The following CDNF variants were observed in gnomAD, a reference collection of about 807,000 sequenced individuals.
The protein encoded by CDNF is ARMET-like protein 1.
Under a neutral mutation model 14.8 loss-of-function variants are expected in CDNF, and 9 were observed. The observed-to-expected ratio is 0.61, with a 90% CI of 0.37 to 1.06. CDNF has a LOEUF of 1.06. Ranked by LOEUF, CDNF falls within the 50% of genes least tolerant of loss-of-function variation. The pLI is 0.01. For missense variants in CDNF, 228 were observed against 228.4 expected (o/e 1.00, Z 0.01); for synonymous variants, 86 against 87.2 (o/e 0.99, Z 0.07).
chr10:14,829,750 C>T (rs546847764), intron 1 of CDNF, among the ~76,000 whole-genome samples: 10 of 152,222 alleles, frequency 6.6e-5, no homozygotes, highest in African/African-American at 1.7e-4. Context: ...CTGCCTCAGC[C>T]CCCCAAGTAG....
chr10:14,821,566 G>T (rs1427026034), intron 3 of CDNF, among the ~76,000 whole-genome samples: 2 of 152,198 alleles, frequency 1.3e-5, no homozygotes, highest in Non-Finnish European at 2.9e-5. Context: ...TAAGCATCAG[G>T]ATTTTAGTGT....
In CDNF at chr10:14,820,070, G is replaced by A; in HGVS notation, c.474C>T (p.Cys158=). The change falls in exon 4 of 4, where the codon TGC becomes TGT. Residue 158 remains cysteine, a synonymous_variant. Transcript: ENST00000465530. ...KQILHSWGEE[C]RACAEKTDYV... ...AGTCAGTTTTTTCTGCACAGGCCCT[G>A]CACTCCTCCCCCCAGCTATGCAGGA... 1.2e-6 allele frequency: 2 copies of A among 1,614,056 alleles called. No homozygotes were observed. The highest frequency in any genetic ancestry group is 1.7e-6 in the Non-Finnish European group (2 of 1,179,982).
chr10:14,828,209 A>G lies in CDNF; in HGVS notation c.179T>C (p.Leu60Pro). 6.2e-7 allele frequency: 1 copy of G among 1,613,636 alleles called. No individual in the cohort carries two copies. Among genetic ancestry groups the G allele is most frequent in the Non-Finnish European group, 8.5e-7 (1 of 1,179,514 alleles). The change falls in exon 2 of 4, where the codon CTG becomes CCG. Residue 60 changes from leucine (L) to proline (P), a missense_variant. Physicochemically the swap from Leu to Pro is moderately conservative, Grantham distance 98. Transcript: ENST00000465530. ...GATCAATTCTTTCTCTATAGTGTCCAGCGAAAAGTTAACTCCTCTGTCTAT... is the reference window on the plus strand; with the variant it reads ...GATCAATTCTTTCTCTATAGTGTCCGGCGAAAAGTTAACTCCTCTGTCTAT... ...SLIDRGVNFSLDTIEKELISF... is the reference protein window; with the variant it reads ...SLIDRGVNFSPDTIEKELISF...
chr10:14,828,926 G>A (rs1321795268), intron 1 of CDNF, among the ~76,000 whole-genome samples: 5 of 152,174 alleles, frequency 3.3e-5, no homozygotes, highest in Admixed American at 6.5e-5. Flanking sequence ...TCGAGAGGCT[G>A]AGGTGGGAGG....
At chr10:14,824,605 CA>C (rs572648812) in intron 3 of CDNF, among the ~76,000 whole-genome samples, 386 of 64,654 alleles carry the variant, frequency 6.0e-3, no homozygotes, top group East Asian at 0.032. Context: ...GACTTCCCCT[CA>C]AAAAAAAAAA....
intron 1 of CDNF, among the ~76,000 whole-genome samples, chr10:14,835,401 A>T (rs1193941423): frequency 6.6e-6 from 1 of 152,222 alleles, no homozygotes; most frequent in East Asian, 1.9e-4. Flanking sequence ...GAAAAGCAGT[A>T]TCATGACCAT....
At position 14,819,870 on chromosome 10, in the gene CDNF, G is replaced by A; in HGVS notation, c.*110C>T. The A allele has an allele frequency of 9.1e-7, 1 of 1,097,800 alleles. No individual in the cohort carries two copies. The highest frequency in any genetic ancestry group is 1.3e-6 in the Non-Finnish European group (1 of 768,612). 68.0% of individuals were successfully genotyped at this position (1,097,800 alleles called of 1,614,324 possible). On this transcript the variant is annotated 3_prime_UTR_variant, in exon 4 of 4. Transcript: ENST00000465530. ...CTGAGGAATAATACCAACACAAAAA[G>A]CATGAGACCAAATATGATGCATTCC...
chr10:14,831,590 T>TTTC (rs1833844624), intron 1 of CDNF, among the ~76,000 whole-genome samples: 1 of 151,388 alleles, frequency 6.6e-6, no homozygotes, highest in African/African-American at 2.4e-5. Flanking sequence ...ATATTTTTTT[T>TTTC]CAAGATGGAG....
In CDNF at chr10:14,826,029, G is replaced by GAGAAGAAGAAGAAGA. The variant is rs57619992; in HGVS notation, c.244-424_244-410dup. 8.3e-3 allele frequency among the ~76,000 whole-genome samples: 711 copies of GAGAAGAAGAAGAAGA among 86,152 alleles called. 12 individuals carry two copies. The highest frequency in any genetic ancestry group is 0.014 in the Middle Eastern group (2 of 146). 56.5% of individuals were successfully genotyped at this position (86,152 alleles called of 152,430 possible). The stretch of plus-strand genomic sequence containing the variant: ...GAAGCAGAAGCAGAAGAAGAAGAAG[G>GAGAAGAAGAAGAAGA]AGAAGAAGAAGAAGAAGAAGAAGAA... On this transcript the variant is annotated intron_variant, in intron 2 of 3. Transcript: ENST00000465530.
At chr10:14,830,199 G>A (rs1200817216) in intron 1 of CDNF, among the ~76,000 whole-genome samples, 2 of 152,222 alleles carry the variant, frequency 1.3e-5, no homozygotes, top group Non-Finnish European at 2.9e-5. Flanking sequence ...GCAAATACAA[G>A]TGAGGGACGT....
chr10:14,828,748 G>T (rs779553900), intron 1 of CDNF, among the ~76,000 whole-genome samples: 2 of 152,094 alleles, frequency 1.3e-5, no homozygotes, highest in African/African-American at 2.4e-5. Context: ...GCTCACACCT[G>T]TAATCCCAGC....
intron 3 of CDNF, among the ~76,000 whole-genome samples, chr10:14,820,497 C>T (rs1332101998): frequency 2.0e-5 from 3 of 151,996 alleles, no homozygotes; most frequent in Non-Finnish European, 4.4e-5. Flanking sequence ...GAGGCTGAGG[C>T]GGGAGGATTG....
chr10:14,832,314 G>T (rs909822625), intron 1 of CDNF, among the ~76,000 whole-genome samples: 12 of 152,238 alleles, frequency 7.9e-5, no homozygotes, highest in Non-Finnish European at 1.2e-4. Context: ...CAGAAGGCCA[G>T]TGTGGCTAAA....
rs1564313228 is a variant in CDNF at position 14,826,020 on chromosome 10, A to AGAAGC, written c.244-401_244-400insGCTTC. On this transcript the variant is annotated intron_variant, in intron 2 of 3. Transcript: ENST00000465530. The stretch of plus-strand genomic sequence containing the variant: ...GCAGCAGAAGAAGCAGAAGCAGAAG[A>AGAAGC]AGAAGAAGGAGAAGAAGAAGAAGAA... 7.4e-4 allele frequency among the ~76,000 whole-genome samples: 84 copies of AGAAGC among 113,300 alleles called. 1 individual carries two copies. Among genetic ancestry groups the AGAAGC allele is most frequent in the African/African-American group, 2.9e-3 (56 of 19,466 alleles). 74.3% of individuals were successfully genotyped at this position (113,300 alleles called of 152,430 possible).
chr10:14,837,530 T>C (rs1833903028), intron 1 of CDNF, among the ~76,000 whole-genome samples: 2 of 152,256 alleles, frequency 1.3e-5, no homozygotes, highest in Admixed American at 6.5e-5. Flanking sequence ...AGAATCAATC[T>C]GGCGCCAGTA....
chr10:14,824,528 C>A (rs1326407792), intron 3 of CDNF, among the ~76,000 whole-genome samples: 2 of 151,348 alleles, frequency 1.3e-5, no homozygotes, highest in Admixed American at 1.3e-4. Flanking sequence ...ATCGCTTGAA[C>A]CCACGAGGCA....
At position 14,832,132 on chromosome 10, in the gene CDNF, T is replaced by A. The variant is rs1467677057; in HGVS notation, c.116-3860A>T. 2.6e-5 allele frequency among the ~76,000 whole-genome samples: 4 copies of A among 152,330 alleles called. No homozygotes were observed. In the East Asian group the frequency reaches 7.7e-4, roughly 29 times the overall value. On this transcript the variant is annotated intron_variant, in intron 1 of 3. Transcript: ENST00000465530. ...GGTGACAAGGTAATAGTACGATTCT[T>A]AATGGATTGGTTAGGAAAGATCTCT...
chr10:14,826,098 C>A (rs11259360), intron 2 of CDNF, among the ~76,000 whole-genome samples: 9,423 of 76,472 alleles, frequency 0.12, 662 homozygotes, highest in African/African-American at 0.26. Context: ...GAAGAAGAAG[C>A]AGCAGCAGCA....
chr10:14,834,391 G>A (rs886445440), intron 1 of CDNF: 16 of 151,816 alleles, frequency 1.1e-4, no homozygotes, highest in African/African-American at 3.9e-4. Context: ...TCTCCTAGGA[G>A]CCTCTAATTC....
Sources: gnomAD v4.1 joint callset for allele counts (sites outside exome capture counted in the v4.1 genomes callset) on GRCh38, gnomAD v4.1.1 for gene constraint, MANE v1.5 for transcripts, NCBI Gene and HGNC (gene_info 2026-07-23, HGNC 2026-07-21) for gene names.